Variants in SOS1 observed in about 807,000 individuals in gnomAD.
SOS1 encodes SOS Ras/Rac guanine nucleotide exchange factor 1.
SOS1 carries 25 observed loss-of-function variants against 157.6 expected under a neutral mutation model. The observed-to-expected ratio is 0.16, with a 90% CI of 0.12 to 0.22. SOS1 has a LOEUF of 0.22. Among genes scored for constraint, SOS1 ranks in the 10% least tolerant of loss-of-function variants. The pLI, the probability that SOS1 is intolerant of heterozygous loss-of-function variation, is 1.00. For missense variants in SOS1, 1,237 were observed against 1,599.1 expected, an observed-to-expected ratio of 0.77 and a Z score of 3.86; for synonymous variants, 528 against 534.0, an observed-to-expected ratio of 0.99 and a Z score of 0.16.
rs1321460945 is a variant in SOS1 at position 38,983,945 on chromosome 2, A to AGAAAG, written c.*1874_*1878dup. On this transcript the variant is annotated 3_prime_UTR_variant, in exon 23 of 23. Coordinates refer to ENST00000402219, the MANE Select transcript of SOS1 (RefSeq NM_005633.4). ...CATCATAGGAATGGTACAGATATTG[A>AGAAAG]GAAAGGATTCAATTCTAACAAATAA... The AGAAAG allele has an allele frequency of 6.6e-6, 1 of 152,202 alleles. No individual in the cohort carries two copies. The highest frequency in any genetic ancestry group is 1.5e-5 in the Non-Finnish European group (1 of 68,028). 9.4% of individuals were successfully genotyped at this position (152,202 alleles called of 1,614,324 possible).
intron 17 of SOS1, among the ~76,000 whole-genome samples, chr2:39,004,769 A>G (rs1669230822): frequency 6.6e-6 from 1 of 152,186 alleles, no homozygotes; most frequent in Non-Finnish European, 1.5e-5. Flanking sequence ...AAGAGGAAAT[A>G]CAAATATTAA....
intron 2 of SOS1, among the ~76,000 whole-genome samples, chr2:39,062,021 A>C (rs1167180891): frequency 6.6e-6 from 1 of 152,024 alleles, no homozygotes; most frequent in Admixed American, 6.6e-5. Flanking sequence ...AGATCCCCAC[A>C]TACTTTGGTA....
rs369961228 is a variant in SOS1 at position 38,999,144 on chromosome 2, G to A, written c.2792-1719C>T. On this transcript the variant is annotated intron_variant, in intron 17 of 22. Coordinates refer to ENST00000402219, the MANE Select transcript of SOS1 (RefSeq NM_005633.4). ...GAATAAGTCCCAAAAAATGAGAAGT[G>A]TAATGAGTAGAATAAAGTAGAAGAG... Among the ~76,000 whole-genome samples, 7 of 152,228 alleles carry A rather than the reference G, an allele frequency of 4.6e-5. No homozygotes were observed. In the East Asian group the frequency reaches 9.6e-4, roughly 21 times the overall value.
chr2:39,088,382 T>A (rs943467424), intron 1 of SOS1, among the ~76,000 whole-genome samples: 1 of 151,368 alleles, frequency 6.6e-6, no homozygotes, highest in Admixed American at 6.6e-5. Flanking sequence ...TCTACATGCA[T>A]AATTCAGTGA....
At chr2:39,029,566 G>A (rs530404115) in intron 8 of SOS1, among the ~76,000 whole-genome samples, 1 of 152,290 alleles carries the variant, frequency 6.6e-6, no homozygotes, top group Non-Finnish European at 1.5e-5. Context: ...TGAGGATGCA[G>A]TGAGCAGTGA....
intron 21 of SOS1, among the ~76,000 whole-genome samples, chr2:38,989,033 TTTAA>T (rs1352141181): frequency 6.6e-6 from 1 of 151,988 alleles, no homozygotes; most frequent in African/African-American, 2.4e-5. Context: ...AAGCCACTTA[TTTAA>T]TATGTTCTTT....
At chr2:39,086,682 G>A (rs973028208) in intron 1 of SOS1, among the ~76,000 whole-genome samples, 3 of 152,144 alleles carry the variant, frequency 2.0e-5, no homozygotes, top group Non-Finnish European at 4.4e-5. Flanking sequence ...CACTAGAAAC[G>A]GCTTTTCCCC....
At chr2:39,092,040 A>C (rs550309356) in intron 1 of SOS1, among the ~76,000 whole-genome samples, 11 of 152,264 alleles carry the variant, frequency 7.2e-5, no homozygotes, top group African/African-American at 2.4e-4. Flanking sequence ...TTGACCATAA[A>C]TTTTTAACTT....
chr2:39,083,380 T>A (rs1198354218), intron 1 of SOS1, among the ~76,000 whole-genome samples: 1 of 152,094 alleles, frequency 6.6e-6, no homozygotes, highest in Non-Finnish European at 1.5e-5. Context: ...CTTAAGGAAG[T>A]CAGGAGAAGT....
At chr2:38,989,192 T>A in intron 21 of SOS1, 78 bp downstream of exon 21, 2 of 993,298 alleles carry the variant, frequency 2.0e-6, no homozygotes, top group Non-Finnish European at 3.2e-6. Context: ...CAAGAAGAGT[T>A]TTAGCAGGAA....
chr2:39,077,433 G>A (rs1007430340), intron 1 of SOS1, among the ~76,000 whole-genome samples: 4 of 152,054 alleles, frequency 2.6e-5, no homozygotes, highest in Non-Finnish European at 2.9e-5. Flanking sequence ...ATCTCAAGAT[G>A]TCAATTGTCC....
At chr2:39,106,148 A>G (rs1205339555) in intron 1 of SOS1, among the ~76,000 whole-genome samples, 1 of 150,576 alleles carries the variant, frequency 6.6e-6, no homozygotes, top group Non-Finnish European at 1.5e-5. Context: ...TGAGCCTAGA[A>G]GGTGGAGGCT....
At chr2:39,042,329 G>C (rs368332311) in intron 6 of SOS1, among the ~76,000 whole-genome samples, 2 of 152,062 alleles carry the variant, frequency 1.3e-5, no homozygotes, top group African/African-American at 4.8e-5. Flanking sequence ...ACAGTACTGA[G>C]TCTTTCCATC....
At position 39,012,302 on chromosome 2, in the gene SOS1, T is replaced by G. The variant is rs1177817358; in HGVS notation, c.2214A>C (p.Gln738His). Residue 738 changes from glutamine (Q) to histidine (H), a missense_variant, in exon 14 of 23, where the codon CAA (glutamine) becomes CAC (histidine). By Grantham distance (24) the Gln-to-His change is conservative. Coordinates refer to ENST00000402219, the MANE Select transcript of SOS1 (RefSeq NM_005633.4). The stretch of plus-strand genomic sequence containing the variant: ...CATTGTCTCTTGCAATTTTTTTCCT[T>G]TGGATTATTTTAGTGATGGATTCAA... ...KWVESITKII[Q>H]RKKIARDNGP... is the part of the protein sequence containing the mutation. 1 of 1,612,914 alleles carries G rather than the reference T, an allele frequency of 6.2e-7. No homozygotes were observed. The highest frequency in any genetic ancestry group is 1.3e-5 in the African/African-American group (1 of 74,882).
At chr2:39,069,664 C>T (rs905570707) in intron 1 of SOS1, among the ~76,000 whole-genome samples, 7 of 152,092 alleles carry the variant, frequency 4.6e-5, no homozygotes, top group Admixed American at 4.6e-4. Context: ...TCTCCTGCCT[C>T]CGCCTCCCTA....
intron 17 of SOS1, among the ~76,000 whole-genome samples, chr2:38,998,110 C>T (rs1668959970): frequency 6.6e-6 from 1 of 152,180 alleles, no homozygotes; most frequent in African/African-American, 2.4e-5. Flanking sequence ...AATTGATTTC[C>T]TGTTTCCCCA....
At chr2:38,991,180 T>C (rs1220173451) in intron 20 of SOS1, among the ~76,000 whole-genome samples, 1 of 151,494 alleles carries the variant, frequency 6.6e-6, no homozygotes, top group Non-Finnish European at 1.5e-5. Context: ...TACTCCCCAG[T>C]TTATAAAGGA....
At chr2:39,027,648 T>G (rs1280067788) in intron 8 of SOS1, among the ~76,000 whole-genome samples, 2 of 152,194 alleles carry the variant, frequency 1.3e-5, no homozygotes, top group Non-Finnish European at 2.9e-5. Context: ...AGCATCCTCT[T>G]GTTACCAGTG....
rs1167317994 is a variant in SOS1 at position 38,995,369 on chromosome 2, G to A, written c.3100C>T (p.Pro1034Ser). 1 of 1,613,256 alleles carries A rather than the reference G, an allele frequency of 6.2e-7. No homozygotes were observed. Among genetic ancestry groups the A allele is most frequent in the East Asian group, 2.2e-5 (1 of 44,890 alleles). ...LPRFPKKYSY[P>S]LKSPGVRPSN... ...GGACGAACACCAGGAGATTTTAGGGGATAGCTATATTTTTTTGGCTGTAGA... is the reference window on the plus strand; with the variant it reads ...GGACGAACACCAGGAGATTTTAGGGAATAGCTATATTTTTTTGGCTGTAGA... Residue 1034 changes from proline (P) to serine (S), a missense_variant, in exon 20 of 23, where the codon CCC becomes TCC. Around this residue, in one of 15 missense-constraint regions of SOS1, gnomAD observed 43 missense variants for 83.0 expected, o/e 0.52. Transcript: ENST00000402219.
Sources: allele counts gnomAD v4.1 joint callset (sites outside exome capture counted in the v4.1 genomes callset), GRCh38; gene constraint gnomAD v4.1.1; regional missense constraint gnomAD v4.1.1; transcripts MANE v1.5; gene names NCBI Gene and HGNC (gene_info 2026-07-23, HGNC 2026-07-21).